ZDBF2: variants seen among roughly 807,000 people sequenced by gnomAD.
ZDBF2 encodes DBF4-type zinc finger-containing protein 2.
Under a neutral mutation model 9.4 loss-of-function variants are expected in ZDBF2, and 6 were observed. That is an observed-to-expected ratio of 0.64 (90% CI 0.35 to 1.27). ZDBF2 has a LOEUF of 1.27. Among genes scored for constraint, ZDBF2 ranks in the 50% most tolerant of loss-of-function variants. The pLI is 0.03. For synonymous variants in ZDBF2, 905 were observed against 946.3 expected, an observed-to-expected ratio of 0.96 and a Z score of 0.80; for missense variants, 2,697 against 2,766.8, an observed-to-expected ratio of 0.97 and a Z score of 0.57.
Position 206,311,800 on chromosome 2 carries a change from C to A in ZDBF2, c.*207C>A. On this transcript the variant is annotated 3_prime_UTR_variant, in exon 5 of 5. Coordinates refer to ENST00000374423, the MANE Select transcript of ZDBF2 (RefSeq NM_020923.3). ...TTAAGATTCAGAAACAGCCTTTGTC[C>A]AACATTTTCTGTAGAAGAACTTCAT... The A allele has an allele frequency of 2.5e-6, 1 of 402,656 alleles. No individual in the cohort carries two copies. The highest frequency in any genetic ancestry group is 4.1e-6 in the Non-Finnish European group (1 of 246,198). 24.9% of individuals were successfully genotyped at this position (402,656 alleles called of 1,614,324 possible). A position where few individuals can be genotyped will look rare whatever the true frequency, so the allele number is the denominator to read the frequency against.
In ZDBF2 at chr2:206,305,176, T is replaced by C; in HGVS notation, c.648T>C (p.Val216=). 3.7e-6 allele frequency: 6 copies of C among 1,613,858 alleles called. No individual in the cohort carries two copies. The highest frequency in any genetic ancestry group is 5.1e-6 in the Non-Finnish European group (6 of 1,179,826). The change falls in exon 5 of 5, where the codon GTT becomes GTC. Residue 216 remains valine, a synonymous_variant. Transcript: ENST00000374423. ...SLPPAAHLDS[V]SKCDPNKVEK... ...CACCAGCAGCTCATTTGGATTCAGT[T>C]AGCAAATGTGACCCAAACAAAGTTG... is the stretch of plus-strand genomic sequence containing the variant.
Position 206,307,914 on chromosome 2 carries a change from A to T in ZDBF2, c.3386A>T (p.Asp1129Val), listed in dbSNP as rs1454787990. The T allele has an allele frequency of 6.2e-7, 1 of 1,613,698 alleles. No individual in the cohort carries two copies. The highest frequency in any genetic ancestry group is 1.1e-5 in the South Asian group (1 of 91,064). The change falls in exon 5 of 5, where the codon GAT becomes GTT. Residue 1129 changes from aspartate (D) to valine (V), a missense_variant. Asp to Val is a radical substitution (Grantham distance 152). Around this residue, in one of 3 missense-constraint regions of ZDBF2, gnomAD observed 1,783 missense variants for 1,776.5 expected, o/e 1.00. Transcript: ENST00000374423. ...GATGTTTCTGTCCAATCTGTGGCTG[A>T]TCAACCCAAAGTAGCTATTAAACAT... ...HPDVSVQSVA[D>V]QPKVAIKHVN... is the part of the protein sequence containing the mutation.
At chr2:206,281,769 T>A in intron 2 of ZDBF2, 32 bp from the exon 3 acceptor site, 1 of 1,362,060 alleles carries the variant, frequency 7.3e-7, no homozygotes, top group Non-Finnish European at 1.0e-6. Context: ...TAAGGAATTA[T>A]GATTTTTACC....
Position 206,309,126 on chromosome 2 carries a change from G to A in ZDBF2, c.4598G>A (p.Gly1533Asp), listed in dbSNP as rs756538084. The change falls in exon 5 of 5, where the codon GGT becomes GAT. Residue 1533 changes from glycine to aspartate, a missense_variant. Gly to Asp is a moderately conservative substitution (Grantham distance 94). This residue lies in a region of ZDBF2 where 1,783 missense variants were observed against 1,776.5 expected (regional missense o/e 1.00). Coordinates refer to ENST00000374423, the MANE Select transcript of ZDBF2 (RefSeq NM_020923.3). ...PKVVLVDLVP[G>D]DSDYEVISDD... ...GTGGTACTTGTGGATCTGGTGCCCGGTGATAGTGATTATGAAGTAATTTCA... is the reference window on the plus strand; with the variant it reads ...GTGGTACTTGTGGATCTGGTGCCCGATGATAGTGATTATGAAGTAATTTCA... 5.0e-6 allele frequency: 8 copies of A among 1,613,648 alleles called. No individual in the cohort carries two copies. Among genetic ancestry groups the A allele is most frequent in the African/African-American group, 1.3e-5 (1 of 75,038 alleles).
At chr2:206,298,495 G>C (rs2105933238) in intron 4 of ZDBF2, among the ~76,000 whole-genome samples, 2 of 152,230 alleles carry the variant, frequency 1.3e-5, no homozygotes, top group African/African-American at 4.8e-5. Context: ...CTATCCTGGG[G>C]TCAGTATAAA....
chr2:206,298,220 C>T (rs970451954), intron 4 of ZDBF2, among the ~76,000 whole-genome samples: 2 of 151,910 alleles, frequency 1.3e-5, no homozygotes, highest in South Asian at 4.2e-4. Flanking sequence ...GAGTTAATGC[C>T]CTATGTTAAA....
In ZDBF2 at chr2:206,307,937, C is replaced by T; in HGVS notation, c.3409C>T (p.His1137Tyr). ...TGATCAACCCAAAGTAGCTATTAAA[C>T]ATGTGAACCTTGGGAATGAAAACCA... ...VADQPKVAIK[H>Y]VNLGNENHMY... Residue 1137 changes from histidine (H) to tyrosine (Y), a missense_variant, in exon 5 of 5, where the codon CAT becomes TAT. By Grantham distance (83) the His-to-Tyr change is moderately conservative (BLOSUM62 2). This residue lies in a region of ZDBF2 where 1,783 missense variants were observed against 1,776.5 expected (regional missense o/e 1.00). Transcript: ENST00000374423. The T allele has an allele frequency of 6.2e-7, 1 of 1,613,682 alleles. No homozygotes were observed. Among genetic ancestry groups the T allele is most frequent in the Non-Finnish European group, 8.5e-7 (1 of 1,179,778 alleles).
intron 4 of ZDBF2, 30 bp downstream of exon 4, chr2:206,297,403 A>G: frequency 6.3e-7 from 1 of 1,588,070 alleles, no homozygotes; most frequent in Non-Finnish European, 8.6e-7. Context: ...TAATATTTAT[A>G]CGTAGTTATA....
chr2:206,289,322 G>A (rs1239053190), intron 3 of ZDBF2, among the ~76,000 whole-genome samples: 1 of 152,114 alleles, frequency 6.6e-6, no homozygotes, highest in Non-Finnish European at 1.5e-5. Flanking sequence ...CTCTGAATAT[G>A]TAAGGCAGTT....
intron 1 of ZDBF2, 99 bp downstream of exon 1, chr2:206,275,045 G>T (rs1690909120): frequency 6.6e-6 from 1 of 151,606 alleles, no homozygotes; most frequent in Non-Finnish European, 1.5e-5. Context: ...AGGGACGCCA[G>T]GACCGCTCGC....
chr2:206,287,230 G>C (rs1691649238), intron 3 of ZDBF2, among the ~76,000 whole-genome samples: 1 of 152,092 alleles, frequency 6.6e-6, no homozygotes, highest in Non-Finnish European at 1.5e-5. Context: ...GCCAGATGTA[G>C]GACTCCTTTG....
chr2:206,299,754 G>A (rs1009757791), intron 4 of ZDBF2, among the ~76,000 whole-genome samples: 3 of 151,814 alleles, frequency 2.0e-5, no homozygotes, highest in Non-Finnish European at 1.5e-5. Context: ...CCCCCCGCCC[G>A]TGAATAGATG....
intron 4 of ZDBF2, among the ~76,000 whole-genome samples, chr2:206,304,290 C>T (rs917073159): frequency 1.3e-5 from 2 of 152,134 alleles, no homozygotes; most frequent in Non-Finnish European, 1.5e-5. Flanking sequence ...CAAGCTGTTT[C>T]TTTGTTTTAA....
intron 1 of ZDBF2, among the ~76,000 whole-genome samples, chr2:206,277,893 C>T (rs1021244390): frequency 6.6e-6 from 1 of 152,048 alleles, no homozygotes; most frequent in Non-Finnish European, 1.5e-5. Context: ...AGAAGTTAAC[C>T]CACCAACTAC....
chr2:206,311,728 C>A lies in ZDBF2; in HGVS notation c.*135C>A. 1.0e-6 allele frequency: 1 copy of A among 979,520 alleles called. No homozygotes were observed. Among genetic ancestry groups the A allele is most frequent in the Non-Finnish European group, 1.3e-6 (1 of 742,502 alleles). The allele number at this position is 979,520 out of a possible 1,614,324, so 60.7% of individuals were successfully genotyped here. On this transcript the variant is annotated 3_prime_UTR_variant, in exon 5 of 5. Transcript: ENST00000374423. ...CTATTTTGCTATAAATATTATTTTT[C>A]AGAATTTTTATATTCATTTAAAATT...
chr2:206,308,234 A>T lies in ZDBF2; in HGVS notation c.3706A>T (p.Asn1236Tyr). 1 of 1,613,892 alleles carries T rather than the reference A, an allele frequency of 6.2e-7. No homozygotes were observed. The highest frequency in any genetic ancestry group is 8.5e-7 in the Non-Finnish European group (1 of 1,179,846). ...DEEVDTEDRR[N>Y]EAKGFEIMYD... ...AGAAGTTGACACGGAAGATAGGAGAAATGAAGCTAAGGGTTTTGAAATTAT... is the reference window on the plus strand; with the variant it reads ...AGAAGTTGACACGGAAGATAGGAGATATGAAGCTAAGGGTTTTGAAATTAT... The change falls in exon 5 of 5, where the codon AAT (asparagine) becomes TAT (tyrosine). Residue 1236 changes from asparagine (N) to tyrosine (Y), a missense_variant. Coordinates refer to ENST00000374423, the MANE Select transcript of ZDBF2 (RefSeq NM_020923.3).
Position 206,312,265 on chromosome 2 carries a change from T to A in ZDBF2, c.*672T>A, listed in dbSNP as rs1338284420. 2 of 152,202 alleles carry A rather than the reference T, an allele frequency of 1.3e-5. No individual in the cohort carries two copies. The highest frequency in any genetic ancestry group is 4.8e-5 in the African/African-American group (2 of 41,454). The allele number at this position is 152,202 out of a possible 1,614,324, so 9.4% of individuals were successfully genotyped here. On this transcript the variant is annotated 3_prime_UTR_variant, in exon 5 of 5. Coordinates refer to ENST00000374423, the MANE Select transcript of ZDBF2 (RefSeq NM_020923.3). Reference sequence around the variant, plus strand: ...AGGGGAAAATAATTTTGCCCATGTGTTTAGGCATTCCCCCCCTTTTTTTTA... The same window carrying A: ...AGGGGAAAATAATTTTGCCCATGTGATTAGGCATTCCCCCCCTTTTTTTTA...
At chr2:206,300,468 T>C (rs1478011739) in intron 4 of ZDBF2, among the ~76,000 whole-genome samples, 1 of 152,230 alleles carries the variant, frequency 6.6e-6, no homozygotes, top group Non-Finnish European at 1.5e-5. Context: ...TATTTTCTTA[T>C]GATTAAACTT....
In ZDBF2 at chr2:206,297,474, A is replaced by G. The variant is rs187577541; in HGVS notation, c.188+101A>G. 84 of 1,150,042 alleles carry G rather than the reference A, an allele frequency of 7.3e-5. No individual in the cohort carries two copies. The African/African-American group carries it at 1.2e-3, about 17-fold the overall frequency. The allele number at this position is 1,150,042 out of a possible 1,614,324, so 71.2% of individuals were successfully genotyped here. A position where few individuals can be genotyped will look rare whatever the true frequency, so the allele number is the denominator to read the frequency against. On this transcript the variant is annotated intron_variant, in intron 4 of 4. Transcript: ENST00000374423. ...ATACTTTAAGTGAATCTTTGAGTCA[A>G]GGAATATAAAGTAAAATTTTAGTAA...
Sources: gnomAD v4.1 joint callset for allele counts (sites outside exome capture counted in the v4.1 genomes callset) on GRCh38, gnomAD v4.1.1 for gene constraint, gnomAD v4.1.1 regional missense constraint, MANE v1.5 for transcripts, NCBI Gene and HGNC (gene_info 2026-07-23, HGNC 2026-07-21) for gene names.